ZNF564: variants seen among roughly 807,000 people sequenced by gnomAD.
ZNF564 encodes the protein zinc finger protein 564.
ZNF564 carries 5 observed loss-of-function variants against 10.5 expected under a neutral mutation model. The ratio of observed to expected loss-of-function variants is 0.48; its 90% confidence interval spans 0.25 to 1.00. The LOEUF is 1.00. Among genes scored for constraint, ZNF564 ranks in the 50% least tolerant of loss-of-function variants. The probability of loss-of-function intolerance (pLI) is 0.16; values close to 1 mark genes in which losing one functional copy is unlikely to be tolerated. For synonymous variants in ZNF564, 242 were observed against 218.1 expected (o/e 1.11, Z -0.97); for missense variants, 603 against 669.7 (o/e 0.90, Z 1.10).
chr19:12,528,228 GGTTT>G (rs765014845), intron 3 of ZNF564, 72 bp downstream of exon 3: 123 of 1,363,732 alleles, frequency 9.0e-5, no homozygotes, highest in Admixed American at 7.4e-4. Flanking sequence ...TGGGCTTACT[GGTTT>G]GTTTACTTAT....
Position 12,528,672 on chromosome 19 carries a change from C to A in ZNF564, c.28G>T (p.Ala10Ser), listed in dbSNP as rs188730901. ...CACTCCTCAAGTGTGAAGTTCACAG[C>A]CACATCCTCAGAGGCCACTGAGTCC... MDSVASEDV[A>S]VNFTLEEWAL... Residue 10 changes from alanine (A) to serine (S), a missense_variant, in exon 2 of 4, where the codon GCT becomes TCT. Ala to Ser is a moderately conservative substitution (Grantham distance 99). Transcript: ENST00000339282. The A allele has an allele frequency of 1.3e-5, 21 of 1,612,704 alleles. No homozygotes were observed. Among genetic ancestry groups the A allele is most frequent in the Non-Finnish European group, 1.8e-5 (21 of 1,179,720 alleles).
At chr19:12,537,136 C>T (rs2021931758) in intron 1 of ZNF564, among the ~76,000 whole-genome samples, 1 of 152,048 alleles carries the variant, frequency 6.6e-6, no homozygotes, top group Admixed American at 6.6e-5. Context: ...AGCACGCATC[C>T]CCACTTTGTA....
chr19:12,549,562 G>A (rs1438132323), intron 1 of ZNF564, among the ~76,000 whole-genome samples: 1 of 152,220 alleles, frequency 6.6e-6, no homozygotes, highest in African/African-American at 2.4e-5. Context: ...ACAATCCAGA[G>A]GTCAGGAATC....
chr19:12,549,939 A>G (rs1315939284), intron 1 of ZNF564, among the ~76,000 whole-genome samples: 1 of 152,228 alleles, frequency 6.6e-6, no homozygotes, highest in African/African-American at 2.4e-5. Context: ...AACTCCACCC[A>G]AAGACATTCT....
chr19:12,547,901 T>C (rs918270650), intron 1 of ZNF564, among the ~76,000 whole-genome samples: 3 of 151,564 alleles, frequency 2.0e-5, no homozygotes, highest in African/African-American at 7.3e-5. Flanking sequence ...AACTTCCGCC[T>C]GCTGGGTTCA....
intron 1 of ZNF564, among the ~76,000 whole-genome samples, chr19:12,538,143 T>C: frequency 6.6e-6 from 1 of 152,082 alleles, no homozygotes; most frequent in East Asian, 1.9e-4. Context: ...ACATTCAACA[T>C]ACGAATATAC....
At chr19:12,527,951 T>C (rs1156866632) in intron 3 of ZNF564, 35 bp from the exon 4 acceptor site, 1 of 1,540,956 alleles carries the variant, frequency 6.5e-7, no homozygotes, top group Non-Finnish European at 8.7e-7. Flanking sequence ...TAGTGGTTTG[T>C]GACTTTATAT....
rs2021711662 is a variant in ZNF564, at chr19:12,527,462, C to T, written c.646G>A (p.Glu216Lys). Residue 216 changes from glutamate (E) to lysine (K), a missense_variant, in exon 4 of 4, where the codon GAA (glutamate) becomes AAA (lysine). By Grantham distance (56) the Glu-to-Lys change is moderately conservative. Coordinates refer to ENST00000339282, the MANE Select transcript of ZNF564 (RefSeq NM_144976.4). ...GGTTTCTCTCCAGTGTGAGTTCTTT[C>T]ATGTATCTGAAATAAACTTGGGCGA... ...FDRPSLFQIH[E>K]RTHTGEKPYE... is the part of the protein sequence containing the mutation. 1 of 1,613,950 alleles carries T rather than the reference C, an allele frequency of 6.2e-7. No homozygotes were observed. Among genetic ancestry groups the T allele is most frequent in the African/African-American group, 1.3e-5 (1 of 74,902 alleles).
intron 1 of ZNF564, among the ~76,000 whole-genome samples, chr19:12,543,645 G>C (rs372964004): frequency 1.8e-3 from 230 of 127,258 alleles, no homozygotes; most frequent in African/African-American, 6.7e-3. Context: ...CTGCACTCCA[G>C]ACGGGGCAAC....
chr19:12,546,040 A>C (rs1240555647), intron 1 of ZNF564, among the ~76,000 whole-genome samples: 4 of 151,820 alleles, frequency 2.6e-5, no homozygotes, highest in Non-Finnish European at 5.9e-5. Flanking sequence ...AACAAAACAC[A>C]CTCCACCTAT....
chr19:12,527,658 G>C lies in ZNF564; in HGVS notation c.450C>G (p.Phe150Leu). 1 of 1,614,162 alleles carries C rather than the reference G, an allele frequency of 6.2e-7. No individual in the cohort carries two copies. Among genetic ancestry groups the C allele is most frequent in the Non-Finnish European group, 8.5e-7 (1 of 1,180,022 alleles). The change falls in exon 4 of 4, where the codon TTC becomes TTG. Residue 150 changes from phenylalanine to leucine, a missense_variant. Phe to Leu is a conservative substitution (Grantham distance 22). Transcript: ENST00000339282. ...GTCTTCGAAAGGATTGACAAGAACT[G>C]AAGGCTTTCCCACACTGCTTACATT... ...PYKCKQCGKAFSSCQSFRRHE... is the reference protein window; with the variant it reads ...PYKCKQCGKALSSCQSFRRHE...
chr19:12,551,322 A>G lies in ZNF564; in HGVS notation c.3+8T>C. ...CCAGTCTCCAGGCGCCCGGCCCCGC[A>G]CACGCACCATTTCCTGGCTTCCAGG... On this transcript the variant is annotated splice_region_variant and intron_variant, in intron 1 of 3. Transcript: ENST00000339282. 1.2e-6 allele frequency: 2 copies of G among 1,607,894 alleles called. No individual in the cohort carries two copies. Among genetic ancestry groups the G allele is most frequent in the South Asian group, 2.2e-5 (2 of 90,288 alleles).
chr19:12,531,179 T>C (rs1269354582), intron 1 of ZNF564, among the ~76,000 whole-genome samples: 3 of 152,190 alleles, frequency 2.0e-5, no homozygotes, highest in Non-Finnish European at 4.4e-5. Context: ...GTAGCAGGAA[T>C]AATGAATATC....
intron 1 of ZNF564, among the ~76,000 whole-genome samples, chr19:12,540,724 G>T (rs1392202676): frequency 5.9e-5 from 9 of 152,002 alleles, no homozygotes. Flanking sequence ...CGTGGTGGCG[G>T]GCGCCTGTAG....
intron 1 of ZNF564, among the ~76,000 whole-genome samples, chr19:12,542,232 C>A (rs899654687): frequency 6.9e-6 from 1 of 144,416 alleles, no homozygotes; most frequent in Non-Finnish European, 1.5e-5. Context: ...TTGCTTGAAC[C>A]GGGTAGGCAG....
intron 1 of ZNF564, among the ~76,000 whole-genome samples, chr19:12,533,712 G>T (rs1165778594): frequency 1.6e-5 from 2 of 128,262 alleles, no homozygotes; most frequent in Non-Finnish European, 3.1e-5. Context: ...GGGCGACACA[G>T]CAGGCTGCTG....
At chr19:12,546,371 C>A (rs1302704116) in intron 1 of ZNF564, among the ~76,000 whole-genome samples, 2 of 152,168 alleles carry the variant, frequency 1.3e-5, no homozygotes, top group Non-Finnish European at 2.9e-5. Flanking sequence ...TCCAGAGAAG[C>A]AGCATACTGC....
intron 1 of ZNF564, among the ~76,000 whole-genome samples, chr19:12,533,209 G>A (rs991495349): frequency 1.3e-5 from 2 of 152,184 alleles, no homozygotes; most frequent in Admixed American, 1.3e-4. Flanking sequence ...AACAGAGATA[G>A]TTACCAACTC....
At position 12,526,351 on chromosome 19, in the gene ZNF564, A is replaced by G; in HGVS notation, c.*95T>C. 8.0e-7 allele frequency: 1 copy of G among 1,254,630 alleles called. No individual in the cohort carries two copies. The highest frequency in any genetic ancestry group is 1.1e-6 in the Non-Finnish European group (1 of 907,612). The allele number at this position is 1,254,630 out of a possible 1,614,324, so 77.7% of individuals were successfully genotyped here. A position where few individuals can be genotyped will look rare whatever the true frequency, so the allele number is the denominator to read the frequency against. On this transcript the variant is annotated 3_prime_UTR_variant, in exon 4 of 4. Transcript: ENST00000339282. ...ATTCCAAAAGTGAGAAACAGGAGAA[A>G]GGGGTGAGCTCCCAAACAAGTCTGA...
Sources: gnomAD v4.1 joint callset for allele counts (sites outside exome capture counted in the v4.1 genomes callset) on GRCh38, gnomAD v4.1.1 for gene constraint, MANE v1.5 for transcripts, NCBI Gene and HGNC (gene_info 2026-07-23, HGNC 2026-07-21) for gene names.